The following SH3GL2 variants were observed in gnomAD, a reference collection of about 807,000 sequenced individuals.
The protein encoded by SH3GL2 is SH3 domain containing GRB2 like 2, endophilin A1.
A neutral mutation model predicts 46.0 loss-of-function variants in SH3GL2; 24 were observed. The ratio of observed to expected loss-of-function variants is 0.52; its 90% CI spans 0.38 to 0.73. The LOEUF (loss-of-function observed/expected upper bound fraction) is 0.73, where lower values mean the gene tolerates loss of function less well. Among genes scored for constraint, SH3GL2 ranks in the 30% least tolerant of loss-of-function variants. The pLI, the probability that SH3GL2 is intolerant of heterozygous loss-of-function variation, is 0.00. For missense variants in SH3GL2, 413 were observed against 424.2 expected, an observed-to-expected ratio of 0.97 and a Z score of 0.23; for synonymous variants, 196 against 147.1, an observed-to-expected ratio of 1.33 and a Z score of -2.40.
At chr9:17,787,641 A>G in intron 5 of SH3GL2, 128 bp downstream of exon 5, 1 of 686,622 alleles carries the variant, frequency 1.5e-6, no homozygotes, top group Non-Finnish European at 2.4e-6. Flanking sequence ...TAATTACAAA[A>G]CAACCCAGTA....
chr9:17,754,915 A>G (rs970026738), intron 2 of SH3GL2, among the ~76,000 whole-genome samples: 13 of 152,064 alleles, frequency 8.5e-5, no homozygotes, highest in African/African-American at 3.1e-4. Flanking sequence ...TGGACATAGG[A>G]TCATGCCGTC....
chr9:17,757,906 C>A (rs1048123938), intron 2 of SH3GL2, among the ~76,000 whole-genome samples: 1 of 152,134 alleles, frequency 6.6e-6, no homozygotes, highest in Admixed American at 6.6e-5. Flanking sequence ...ATTCAGGGGT[C>A]TCATGGGGTT....
At chr9:17,722,320 A>G (rs1486924954) in intron 1 of SH3GL2, among the ~76,000 whole-genome samples, 1 of 152,120 alleles carries the variant, frequency 6.6e-6, no homozygotes, top group African/African-American at 2.4e-5. Context: ...CTGTATATGC[A>G]GTACCAATAT....
intron 3 of SH3GL2, among the ~76,000 whole-genome samples, chr9:17,780,666 T>C (rs1224487358): frequency 9.4e-6 from 1 of 106,452 alleles, no homozygotes; most frequent in Non-Finnish European, 1.9e-5. Flanking sequence ...GAGTGTGATA[T>C]TCCCCTTCCT....
intron 1 of SH3GL2, among the ~76,000 whole-genome samples, chr9:17,725,099 A>C (rs577717878): frequency 6.6e-6 from 1 of 152,092 alleles, no homozygotes; most frequent in South Asian, 2.1e-4. Context: ...CTCCCTTCCT[A>C]GGAGTCACCC....
At chr9:17,641,583 C>T (rs984330798) in intron 1 of SH3GL2, among the ~76,000 whole-genome samples, 2 of 152,142 alleles carry the variant, frequency 1.3e-5, no homozygotes, top group Admixed American at 6.5e-5. Flanking sequence ...AATGCTATCC[C>T]TTCCCTTGCC....
chr9:17,629,003 TTCTG>T (rs1157960507), intron 1 of SH3GL2, among the ~76,000 whole-genome samples: 2 of 152,030 alleles, frequency 1.3e-5, no homozygotes, highest in Non-Finnish European at 2.9e-5. Context: ...TGCTGATGCC[TTCTG>T]TCTGTCAAAC....
At chr9:17,651,529 A>G (rs1049271099) in intron 1 of SH3GL2, among the ~76,000 whole-genome samples, 7 of 152,018 alleles carry the variant, frequency 4.6e-5, no homozygotes, top group African/African-American at 1.7e-4. Context: ...CACTTTGTGT[A>G]TATTGGTTTT....
At chr9:17,711,406 A>G (rs1245108786) in intron 1 of SH3GL2, among the ~76,000 whole-genome samples, 1 of 151,880 alleles carries the variant, frequency 6.6e-6, no homozygotes, top group East Asian at 1.9e-4. Context: ...GATCACTGAA[A>G]TCCAGAAAGC....
At chr9:17,753,437 G>C (rs1037125479) in intron 2 of SH3GL2, among the ~76,000 whole-genome samples, 3 of 152,148 alleles carry the variant, frequency 2.0e-5, no homozygotes, top group East Asian at 3.9e-4. Flanking sequence ...GTGATGTTGA[G>C]TGTTTTCTCA....
At chr9:17,584,011 T>G (rs1818323890) in intron 1 of SH3GL2, among the ~76,000 whole-genome samples, 1 of 152,182 alleles carries the variant, frequency 6.6e-6, no homozygotes, top group South Asian at 2.1e-4. Flanking sequence ...TGTGGCTTGT[T>G]GCTTGACCCA....
chr9:17,770,685 ATTCCCTTCCTTG>A (rs1482324983), intron 3 of SH3GL2, among the ~76,000 whole-genome samples: 1 of 152,242 alleles, frequency 6.6e-6, no homozygotes, highest in Non-Finnish European at 1.5e-5. Context: ...TACGAGAGAC[ATTCCCTTCCTTG>A]TCTAGAAGAA....
At chr9:17,627,411 C>G (rs1007423988) in intron 1 of SH3GL2, among the ~76,000 whole-genome samples, 1 of 152,090 alleles carries the variant, frequency 6.6e-6, no homozygotes, top group African/African-American at 2.4e-5. Flanking sequence ...CTGGCCCACC[C>G]GAGAGCTCTT....
In SH3GL2 at chr9:17,717,627, C is replaced by G. The variant is rs75321096; in HGVS notation, c.46-29439C>G. Among the ~76,000 whole-genome samples the G allele has an allele frequency of 4.0e-3, 609 of 152,182 alleles. 5 individuals carry two copies. The highest frequency in any genetic ancestry group is 0.014 in the African/African-American group (578 of 41,542). ...GAAGAGAATATGCCCTCTCTGCCTTCCAGGGACTCAGACAAAGCGGGGGAA... is the reference window on the plus strand; with the variant it reads ...GAAGAGAATATGCCCTCTCTGCCTTGCAGGGACTCAGACAAAGCGGGGGAA... On this transcript the variant is annotated intron_variant, in intron 1 of 8. Coordinates refer to ENST00000380607, the MANE Select transcript of SH3GL2 (RefSeq NM_003026.5).
chr9:17,579,147 G>C lies in SH3GL2; in HGVS notation c.-96G>C, dbSNP rs562739193. 1.8e-5 allele frequency: 15 copies of C among 832,794 alleles called. No homozygotes were observed. The highest frequency in any genetic ancestry group is 2.3e-5 in the Non-Finnish European group (13 of 576,614). 51.6% of individuals were successfully genotyped at this position (832,794 alleles called of 1,614,324 possible). On this transcript the variant is annotated 5_prime_UTR_variant, in exon 1 of 9. Transcript: ENST00000380607. Reference sequence around the variant, plus strand: ...CATAGCCCCGGCGGCGGCACGACCAGAGGCGGCCAGGGGAGCGCGCCGCCC... The same window carrying C: ...CATAGCCCCGGCGGCGGCACGACCACAGGCGGCCAGGGGAGCGCGCCGCCC...
In SH3GL2 at chr9:17,754,303, A is replaced by T. The variant is rs539650062; in HGVS notation, c.115-7134A>T. Among the ~76,000 whole-genome samples, 318 of 152,280 alleles carry T rather than the reference A, an allele frequency of 2.1e-3. 1 individual carries two copies. The highest frequency in any genetic ancestry group is 3.6e-3 in the Non-Finnish European group (244 of 68,026). ...CATTTTGATGATATTGAGTCTTCCTATCCATGAGCATGGAACGTTTTTCCA... is the reference window on the plus strand; with the variant it reads ...CATTTTGATGATATTGAGTCTTCCTTTCCATGAGCATGGAACGTTTTTCCA... On this transcript the variant is annotated intron_variant, in intron 2 of 8. Coordinates refer to ENST00000380607, the MANE Select transcript of SH3GL2 (RefSeq NM_003026.5).
intron 1 of SH3GL2, among the ~76,000 whole-genome samples, chr9:17,627,162 C>T (rs1299521169): frequency 6.6e-6 from 1 of 152,162 alleles, no homozygotes; most frequent in African/African-American, 2.4e-5. Context: ...TTTCAATACA[C>T]TCAAGGAATA....
chr9:17,677,397 G>T (rs1178536983), intron 1 of SH3GL2, among the ~76,000 whole-genome samples: 1 of 152,032 alleles, frequency 6.6e-6, no homozygotes, highest in Non-Finnish European at 1.5e-5. Context: ...TAGAGTGGAT[G>T]CTTTGAAATA....
intron 3 of SH3GL2, among the ~76,000 whole-genome samples, chr9:17,775,662 G>A (rs370213612): frequency 1.3e-5 from 2 of 152,160 alleles, no homozygotes; most frequent in East Asian, 3.8e-4. Context: ...AATGAGGCTT[G>A]GTTTCTATAA....
Sources: gnomAD v4.1 joint callset for allele counts (sites outside exome capture counted in the v4.1 genomes callset) on GRCh38, gnomAD v4.1.1 for gene constraint, MANE v1.5 for transcripts, NCBI Gene and HGNC (gene_info 2026-07-23, HGNC 2026-07-21) for gene names.